ITFG1: variants seen among roughly 807,000 people sequenced by gnomAD.
ITFG1 encodes integrin alpha FG-GAP repeat containing 1.
In ITFG1, 34 loss-of-function variants were observed where a neutral mutation model predicts 81.8. The observed-to-expected ratio is 0.42, with a 90% CI of 0.32 to 0.55. The LOEUF (loss-of-function observed/expected upper bound fraction) is 0.55. ITFG1 is among the 20% of genes least tolerant of loss of function. The pLI is 0.17. For synonymous variants in ITFG1, 285 were observed against 270.6 expected, an observed-to-expected ratio of 1.05 and a Z score of -0.52; for missense variants, 672 against 755.4, an observed-to-expected ratio of 0.89 and a Z score of 1.29.
intron 6 of ITFG1, among the ~76,000 whole-genome samples, chr16:47,391,819 T>C (rs1021533648): frequency 6.6e-6 from 1 of 152,210 alleles, no homozygotes; most frequent in Admixed American, 6.5e-5. Flanking sequence ...TCAGTTATAT[T>C]ACCTTTGATG....
intron 1 of ITFG1, 63 bp downstream of exon 1, chr16:47,460,775 T>A (rs1242268012): frequency 6.4e-7 from 1 of 1,563,896 alleles, no homozygotes; most frequent in African/African-American, 1.4e-5. Context: ...GGGCAATGGG[T>A]TTGGGGAACA....
intron 6 of ITFG1, among the ~76,000 whole-genome samples, chr16:47,385,800 A>T (rs1968454157): frequency 2.0e-5 from 3 of 152,214 alleles, no homozygotes; most frequent in Non-Finnish European, 4.4e-5. Context: ...CTTACAAGAG[A>T]ACCAAAACTT....
chr16:47,380,152 T>C (rs1326116678), intron 6 of ITFG1, among the ~76,000 whole-genome samples: 1 of 151,900 alleles, frequency 6.6e-6, no homozygotes, highest in African/African-American at 2.4e-5. Context: ...AAGGTTAAAT[T>C]CTCAACCATA....
At chr16:47,306,167 T>G (rs1967155477) in intron 10 of ITFG1, among the ~76,000 whole-genome samples, 1 of 152,122 alleles carries the variant, frequency 6.6e-6, no homozygotes, top group African/African-American at 2.4e-5. Flanking sequence ...AAAATTTTAA[T>G]ATGTTAACCA....
intron 6 of ITFG1, among the ~76,000 whole-genome samples, chr16:47,425,544 G>A (rs1357758869): frequency 6.6e-6 from 1 of 151,286 alleles, no homozygotes; most frequent in Non-Finnish European, 1.5e-5. Context: ...ACTGGGAGCT[G>A]CAGACCAGAG....
rs11859248 is a variant in ITFG1 at position 47,242,131 on chromosome 16, C to G, written c.1331-4123G>C. Among the ~76,000 whole-genome samples the G allele has an allele frequency of 7.5e-3, 1,140 of 151,776 alleles. 19 individuals carry two copies. Among genetic ancestry groups the G allele is most frequent in the African/African-American group, 0.026 (1,081 of 41,430 alleles). ...ATGATGCGGTATGTGAATTACATCT[C>G]AATAAAGCTGTTACAAAATAAGAAA... On this transcript the variant is annotated intron_variant, in intron 12 of 17. Coordinates refer to ENST00000320640, the MANE Select transcript of ITFG1 (RefSeq NM_030790.5).
intron 12 of ITFG1, among the ~76,000 whole-genome samples, chr16:47,243,358 A>G (rs1407186091): frequency 6.6e-6 from 1 of 152,212 alleles, no homozygotes; most frequent in Non-Finnish European, 1.5e-5. Flanking sequence ...TTTTTAATAG[A>G]CCATCTGCAT....
chr16:47,306,020 C>T (rs111246583), intron 10 of ITFG1, among the ~76,000 whole-genome samples: 64 of 152,164 alleles, frequency 4.2e-4, no homozygotes, highest in African/African-American at 1.3e-3. Flanking sequence ...TACCACTGAA[C>T]GAGAAGTAAT....
Position 47,296,068 on chromosome 16 carries a change from TTTTTATTTTA to T in ITFG1, c.1070+15162_1070+15171del, listed in dbSNP as rs59077423. On this transcript the variant is annotated intron_variant, in intron 10 of 17. Transcript: ENST00000320640. ...CATGCATCACCATGTCCCGGCTAAG[TTTTTATTTTA>T]TTTTATTTTATTTTATTTTATTTTA... 2.5e-3 allele frequency among the ~76,000 whole-genome samples: 374 copies of T among 148,504 alleles called. 6 individuals carry two copies. The highest frequency in any genetic ancestry group is 4.7e-3 in the Admixed American group (71 of 14,954).
intron 8 of ITFG1, among the ~76,000 whole-genome samples, chr16:47,327,364 TAAA>T (rs1337498942): frequency 6.6e-6 from 1 of 152,084 alleles, no homozygotes; most frequent in African/African-American, 2.4e-5. Context: ...CCTAAAACCA[TAAA>T]AACCCTAGAA....
At chr16:47,158,282 A>G (rs569380555) in intron 17 of ITFG1, among the ~76,000 whole-genome samples, 3 of 152,028 alleles carry the variant, frequency 2.0e-5, no homozygotes, top group African/African-American at 7.2e-5. Flanking sequence ...TTCTGTAGAG[A>G]CGGGGTTTCA....
At chr16:47,438,591 CTAG>C (rs770968965) in intron 5 of ITFG1, among the ~76,000 whole-genome samples, 3 of 152,186 alleles carry the variant, frequency 2.0e-5, no homozygotes, top group Non-Finnish European at 4.4e-5. Context: ...GAGTGGACCT[CTAG>C]TAAATTCCAA....
At chr16:47,380,793 A>T (rs1968386923) in intron 6 of ITFG1, among the ~76,000 whole-genome samples, 1 of 152,208 alleles carries the variant, frequency 6.6e-6, no homozygotes, top group African/African-American at 2.4e-5. Context: ...TAAAAATGCT[A>T]ATAGAAACAA....
chr16:47,218,863 C>T lies in ITFG1; in HGVS notation c.1453+5G>A, dbSNP rs1387142807. ...ATACATTATGGACAATGTATCTGGT[C>T]TTACCTGATCCATTTTTCAGATACC... is the stretch of plus-strand genomic sequence containing the variant. On this transcript the variant is annotated splice_donor_5th_base_variant and intron_variant, in intron 14 of 17. Transcript: ENST00000320640. 6.4e-7 allele frequency: 1 copy of T among 1,557,936 alleles called. No individual in the cohort carries two copies. The highest frequency in any genetic ancestry group is 1.4e-5 in the African/African-American group (1 of 73,034).
At chr16:47,156,691 G>A (rs1353955976) in intron 17 of ITFG1, among the ~76,000 whole-genome samples, 1 of 152,182 alleles carries the variant, frequency 6.6e-6, no homozygotes, top group Non-Finnish European at 1.5e-5. Flanking sequence ...GACAGGGAAA[G>A]CATTTGAAAG....
At chr16:47,429,648 G>A (rs1035596113) in intron 5 of ITFG1, among the ~76,000 whole-genome samples, 2 of 152,122 alleles carry the variant, frequency 1.3e-5, no homozygotes, top group Non-Finnish European at 2.9e-5. Context: ...TTTCACTGTG[G>A]TTTGATTTGT....
At chr16:47,222,673 A>C (rs1169155876) in intron 13 of ITFG1, among the ~76,000 whole-genome samples, 1 of 152,162 alleles carries the variant, frequency 6.6e-6, no homozygotes, top group Non-Finnish European at 1.5e-5. Context: ...TCGGCCTCCC[A>C]AAGTGCTGGG....
At chr16:47,382,728 C>T (rs1373560770) in intron 6 of ITFG1, among the ~76,000 whole-genome samples, 1 of 152,128 alleles carries the variant, frequency 6.6e-6, no homozygotes, top group Non-Finnish European at 1.5e-5. Context: ...TTAGGCAAAA[C>T]CAATAAATTC....
At chr16:47,260,758 A>T in intron 10 of ITFG1, 63 bp from the exon 11 acceptor site, 2 of 1,501,022 alleles carry the variant, frequency 1.3e-6, no homozygotes, top group Non-Finnish European at 1.8e-6. Flanking sequence ...TCGGCTCTGT[A>T]GTATTTCCTA....
Sources: gnomAD v4.1 joint callset for allele counts (sites outside exome capture counted in the v4.1 genomes callset) on GRCh38, gnomAD v4.1.1 for gene constraint, MANE v1.5 for transcripts, NCBI Gene and HGNC (gene_info 2026-07-23, HGNC 2026-07-21) for gene names.